The following KALRN variants were observed in gnomAD, a reference collection of about 807,000 sequenced individuals.
KALRN encodes kalirin.
A neutral mutation model predicts 353.7 loss-of-function variants in KALRN; 70 were observed. The ratio of observed to expected loss-of-function variants is 0.20; its 90% CI spans 0.16 to 0.24. KALRN has a LOEUF of 0.24. Ranked by LOEUF, KALRN falls within the 10% of genes least tolerant of loss-of-function variation. The pLI is 1.00. For synonymous variants in KALRN, 1,391 were observed against 1,434.8 expected (o/e 0.97, Z 0.69); for missense variants, 2,791 against 3,756.7 (o/e 0.74, Z 6.72).
chr3:124,066,363 A>C (rs2042364601), intron 1 of KALRN, among the ~76,000 whole-genome samples: 1 of 152,192 alleles, frequency 6.6e-6, no homozygotes, highest in Non-Finnish European at 1.5e-5. Flanking sequence ...TTCAGAGTGA[A>C]TCAATTGTTC....
Position 124,446,234 on chromosome 3 carries a change from C to G in KALRN, c.3387C>G (p.Asp1129Glu). The G allele has an allele frequency of 6.2e-7, 1 of 1,614,088 alleles. No homozygotes were observed. Among genetic ancestry groups the G allele is most frequent in the Non-Finnish European group, 8.5e-7 (1 of 1,179,946 alleles). ...HFWTLKKRRLDQCQQYVVFER... is the reference protein window; with the variant it reads ...HFWTLKKRRLEQCQQYVVFER... ...GGACCTTGAAGAAGCGGCGGTTAGACCAATGCCAGCAATATGTGGTGTTCG... is the reference window on the plus strand; with the variant it reads ...GGACCTTGAAGAAGCGGCGGTTAGAGCAATGCCAGCAATATGTGGTGTTCG... The change falls in exon 20 of 60, where the codon GAC becomes GAG. Residue 1129 changes from aspartate (D) to glutamate (E), a missense_variant. By Grantham distance (45) the Asp-to-Glu change is conservative (BLOSUM62 2). Coordinates refer to ENST00000682506, the MANE Select transcript of KALRN (RefSeq NM_001388419.1).
At chr3:124,447,112 T>C (rs1231044430) in intron 21 of KALRN, among the ~76,000 whole-genome samples, 1 of 152,230 alleles carries the variant, frequency 6.6e-6, no homozygotes, top group Non-Finnish European at 1.5e-5. Context: ...AATTGCTATA[T>C]ACTGTGCTTC....
At chr3:124,578,694 G>C (rs2074347584) in intron 34 of KALRN, among the ~76,000 whole-genome samples, 1 of 151,956 alleles carries the variant, frequency 6.6e-6, no homozygotes, top group South Asian at 2.1e-4. Flanking sequence ...ACTTGAACCT[G>C]GGAGGTGGAG....
chr3:124,065,097 T>G (rs1261840894), intron 1 of KALRN, among the ~76,000 whole-genome samples: 1 of 152,196 alleles, frequency 6.6e-6, no homozygotes, highest in East Asian at 1.9e-4. Flanking sequence ...CAGGAAAGAC[T>G]GCTTTGTACT....
In KALRN at chr3:124,490,897, G is replaced by T. The variant is rs761575178; in HGVS notation, c.4587+13G>T. The stretch of plus-strand genomic sequence containing the variant: ...GAACAAGCTACTGGTAGGTGGGGCA[G>T]GTGGGGTAAGACAAGACTCCCTGCT... On this transcript the variant is annotated intron_variant, in intron 30 of 59. Transcript: ENST00000682506. 4.7e-5 allele frequency: 76 copies of T among 1,601,344 alleles called. 5 individuals are homozygous for T. In the South Asian group the frequency reaches 8.2e-4, roughly 17 times the overall value.
chr3:124,344,438 A>T (rs1313602715), intron 9 of KALRN, among the ~76,000 whole-genome samples: 3 of 152,370 alleles, frequency 2.0e-5, no homozygotes. Context: ...GGGTCCAGAC[A>T]GTATGTGGTC....
chr3:124,059,824 T>C (rs1043855365), intron 1 of KALRN, among the ~76,000 whole-genome samples: 1 of 152,214 alleles, frequency 6.6e-6, no homozygotes, highest in African/African-American at 2.4e-5. Flanking sequence ...TACTTTTTGC[T>C]AGTAGCTTAT....
chr3:124,436,640 A>G (rs1822994), intron 17 of KALRN, among the ~76,000 whole-genome samples: 7 of 125,378 alleles, frequency 5.6e-5, no homozygotes, highest in Admixed American at 7.9e-5. Context: ...CTCAAGTTTG[A>G]TGACAGATCT....
At chr3:124,248,651 G>T (rs1305228668) in intron 3 of KALRN, among the ~76,000 whole-genome samples, 1 of 152,194 alleles carries the variant, frequency 6.6e-6, no homozygotes, top group African/African-American at 2.4e-5. Context: ...GTGTCCTGAT[G>T]GCCCTGGCCC....
chr3:124,457,233 C>T (rs1340710963), intron 23 of KALRN, among the ~76,000 whole-genome samples: 2 of 152,076 alleles, frequency 1.3e-5, no homozygotes, highest in Non-Finnish European at 2.9e-5. Flanking sequence ...CCATGCCTAG[C>T]TAATTTTTGT....
chr3:124,612,907 AC>A (rs2078165488), intron 34 of KALRN, among the ~76,000 whole-genome samples: 1 of 67,808 alleles, frequency 1.5e-5, no homozygotes. Flanking sequence ...TGGGATCCCC[AC>A]TTAAATAATA....
chr3:124,291,923 C>A (rs1456053443), intron 5 of KALRN, among the ~76,000 whole-genome samples: 1 of 152,196 alleles, frequency 6.6e-6, no homozygotes, highest in East Asian at 1.9e-4. Context: ...CTCTCAGGCC[C>A]ATATCCCAGC....
At chr3:124,479,027 T>A (rs1301512724) in intron 27 of KALRN, among the ~76,000 whole-genome samples, 2 of 152,272 alleles carry the variant, frequency 1.3e-5, no homozygotes, top group East Asian at 3.8e-4. Flanking sequence ...TTATAGCATT[T>A]GTAATGATTT....
In KALRN at chr3:124,477,149, G is replaced by T. The variant is rs1192803019; in HGVS notation, c.4102-96G>T. On this transcript the variant is annotated intron_variant, in intron 26 of 59. Transcript: ENST00000682506. Reference sequence around the variant, plus strand: ...AAAATCTAGACACTGGTGTCTGAGGGTCTTAACTGTACAGCCCTTGCTGGG... The same window carrying T: ...AAAATCTAGACACTGGTGTCTGAGGTTCTTAACTGTACAGCCCTTGCTGGG... 6.4e-6 allele frequency: 5 copies of T among 779,338 alleles called. No individual in the cohort carries two copies. In the African/African-American group the frequency reaches 8.6e-5, roughly 13 times the overall value. 48.3% of individuals were successfully genotyped at this position (779,338 alleles called of 1,614,324 possible). A position where few individuals can be genotyped will look rare whatever the true frequency, so the allele number is the denominator to read the frequency against.
At chr3:124,455,828 G>A (rs952022967) in intron 22 of KALRN, among the ~76,000 whole-genome samples, 1 of 152,230 alleles carries the variant, frequency 6.6e-6, no homozygotes, top group Non-Finnish European at 1.5e-5. Context: ...AATTTGCCAT[G>A]AACCAGGGAA....
intron 1 of KALRN, among the ~76,000 whole-genome samples, chr3:124,222,869 T>G (rs1579606506): frequency 6.6e-6 from 1 of 152,214 alleles, no homozygotes; most frequent in East Asian, 1.9e-4. Flanking sequence ...CCTCCCAAAG[T>G]GCTGGTATTA....
At chr3:124,146,843 C>T (rs1304842725) in intron 1 of KALRN, among the ~76,000 whole-genome samples, 3 of 116,336 alleles carry the variant, frequency 2.6e-5, no homozygotes, top group African/African-American at 9.7e-5. Context: ...CACCTCTGCA[C>T]TCCAGCCTGG....
intron 3 of KALRN, among the ~76,000 whole-genome samples, chr3:124,248,789 A>G (rs886637977): frequency 6.6e-6 from 1 of 152,184 alleles, no homozygotes; most frequent in Non-Finnish European, 1.5e-5. Context: ...TCTCCCTTGC[A>G]TCTCCCAGAC....
At chr3:124,418,136 A>C (rs75492966) in intron 14 of KALRN, among the ~76,000 whole-genome samples, 8,281 of 149,712 alleles carry the variant, frequency 0.055, 518 homozygotes, top group African/African-American at 0.14. Flanking sequence ...AAGAAAAAAA[A>C]TCTGTGGGCT....
Sources: allele counts gnomAD v4.1 joint callset (sites outside exome capture counted in the v4.1 genomes callset), GRCh38; gene constraint gnomAD v4.1.1; transcripts MANE v1.5; gene names NCBI Gene and HGNC (gene_info 2026-07-23, HGNC 2026-07-21).